The following PHIP variants were observed in gnomAD, a reference collection of about 807,000 sequenced individuals.
PHIP encodes the protein PH-interacting protein.
PHIP carries 54 observed loss-of-function variants against 236.8 expected under a neutral mutation model. The ratio of observed to expected loss-of-function variants is 0.23; its 90% CI spans 0.18 to 0.29. The LOEUF (loss-of-function observed/expected upper bound fraction) is 0.29, where lower values mean the gene tolerates loss of function less well. Among genes scored for constraint, PHIP ranks in the 10% least tolerant of loss-of-function variants. The probability of loss-of-function intolerance (pLI) is 1.00; values close to 1 mark genes in which losing one functional copy is unlikely to be tolerated. For missense variants in PHIP, 1,370 were observed against 2,190.8 expected (o/e 0.63, Z 7.48); for synonymous variants, 756 against 718.9 (o/e 1.05, Z -0.83).
At chr6:78,942,559 A>ATGCAAAGCTTT (rs1773561125) in intron 39 of PHIP, among the ~76,000 whole-genome samples, 1 of 152,176 alleles carries the variant, frequency 6.6e-6, no homozygotes, top group Non-Finnish European at 1.5e-5. Context: ...CAGACAGAAA[A>ATGCAAAGCTTT]TGCAAAGCTT....
chr6:78,941,409 T>C (rs192835351), intron 39 of PHIP, 79 bp from the exon 40 acceptor site: 30 of 920,898 alleles, frequency 3.3e-5, no homozygotes, highest in Non-Finnish European at 4.7e-5. Context: ...TAAGGCCCCA[T>C]TGGTATACTT....
At chr6:79,003,907 GA>G in intron 15 of PHIP, 49 bp from the exon 16 acceptor site, 1 of 1,283,514 alleles carries the variant, frequency 7.8e-7, no homozygotes, top group Non-Finnish European at 1.1e-6. Context: ...AAAATGAAAA[GA>G]ATTGGTCACT....
At chr6:78,968,886 T>C (rs1388025533) in intron 27 of PHIP, among the ~76,000 whole-genome samples, 1 of 152,196 alleles carries the variant, frequency 6.6e-6, no homozygotes, top group Non-Finnish European at 1.5e-5. Flanking sequence ...GTTCCAATTT[T>C]TTCCCCCTGA....
intron 6 of PHIP, among the ~76,000 whole-genome samples, chr6:79,058,783 A>T (rs1435358603): frequency 6.6e-6 from 1 of 152,120 alleles, no homozygotes; most frequent in Non-Finnish European, 1.5e-5. Context: ...CACTTTCATT[A>T]CCTACCACAG....
chr6:78,941,033 T>G lies in PHIP; in HGVS notation c.5126A>C (p.Lys1709Thr), dbSNP rs774747260. 5 of 1,613,888 alleles carry G rather than the reference T, an allele frequency of 3.1e-6. No homozygotes were observed. Among genetic ancestry groups the G allele is most frequent in the Non-Finnish European group, 4.2e-6 (5 of 1,179,804 alleles). ...TTTGGGCTTCCTACCTCCACGATTC[T>G]TTTTCTGTAACAAATCTTCCTTTAC... ...NNVKEDLLQK[K>T]NRGGRKPKRK... The change falls in exon 40 of 40, where the codon AAG becomes ACG. Residue 1709 changes from lysine to threonine, a missense_variant. Around this residue, in one of 14 missense-constraint regions of PHIP, gnomAD observed 309 missense variants for 328.3 expected, o/e 0.94. Transcript: ENST00000275034.
chr6:79,026,811 T>C (rs1771426972), intron 7 of PHIP, among the ~76,000 whole-genome samples: 2 of 151,746 alleles, frequency 1.3e-5, no homozygotes, highest in Non-Finnish European at 1.5e-5. Flanking sequence ...ATAGCCAAAA[T>C]AGAGATAGAA....
chr6:79,052,589 A>T (rs1466617033), intron 6 of PHIP, among the ~76,000 whole-genome samples: 1 of 152,216 alleles, frequency 6.6e-6, no homozygotes, highest in Non-Finnish European at 1.5e-5. Context: ...ATGAGAATGA[A>T]TTGGAAAGGA....
Position 79,066,919 on chromosome 6 carries a change from G to C in PHIP, c.190-6101C>G, listed in dbSNP as rs539003807. On this transcript the variant is annotated intron_variant, in intron 4 of 39. Coordinates refer to ENST00000275034, the MANE Select transcript of PHIP (RefSeq NM_017934.7). ...TTGTTTGTTTTTTAAGGGGGCAGGGGGATCTCGTTCTGTTACCAAGGCTAG... is the reference window on the plus strand; with the variant it reads ...TTGTTTGTTTTTTAAGGGGGCAGGGCGATCTCGTTCTGTTACCAAGGCTAG... Among the ~76,000 whole-genome samples the C allele has an allele frequency of 1.1e-3, 163 of 152,136 alleles. 1 individual carries two copies. Among genetic ancestry groups the C allele is most frequent in the Non-Finnish European group, 2.0e-3 (136 of 68,000 alleles).
At position 78,936,823 on chromosome 6, in the gene PHIP, G is replaced by A. The variant is rs537710091; in HGVS notation, c.*3870C>T. 6.6e-6 allele frequency: 1 copy of A among 151,822 alleles called. No homozygotes were observed. Among genetic ancestry groups the A allele is most frequent in the South Asian group, 2.1e-4 (1 of 4,824 alleles). 9.4% of individuals were successfully genotyped at this position (151,822 alleles called of 1,614,324 possible). ...TGACTTTTCATTTGGAGCAAACTTT[G>A]CTCAGTATAATTAACAAAAATAGTT... On this transcript the variant is annotated 3_prime_UTR_variant, in exon 40 of 40. Coordinates refer to ENST00000275034, the MANE Select transcript of PHIP (RefSeq NM_017934.7).
chr6:78,995,617 G>C (rs1769557390), intron 19 of PHIP, among the ~76,000 whole-genome samples: 1 of 152,150 alleles, frequency 6.6e-6, no homozygotes, highest in African/African-American at 2.4e-5. Context: ...TTCCCTAGTG[G>C]TTAATGACAT....
Position 79,078,249 on chromosome 6 carries a change from G to A in PHIP, c.-181C>T, listed in dbSNP as rs1774300421. 3 of 573,620 alleles carry A rather than the reference G, an allele frequency of 5.2e-6. No homozygotes were observed. The highest frequency in any genetic ancestry group is 9.1e-6 in the Non-Finnish European group (3 of 328,774). The allele number at this position is 573,620 out of a possible 1,614,324, so 35.5% of individuals were successfully genotyped here. A position where few individuals can be genotyped will look rare whatever the true frequency, so the allele number is the denominator to read the frequency against. ...AGGAGGAAACAACAACTCTCAGGCA[G>A]CGACTACGGCCGTGGCCGCCTCCGC... On this transcript the variant is annotated 5_prime_UTR_variant, in exon 1 of 40. Transcript: ENST00000275034.
chr6:79,048,273 C>A (rs116574365), intron 6 of PHIP, among the ~76,000 whole-genome samples: 1 of 151,730 alleles, frequency 6.6e-6, no homozygotes, highest in African/African-American at 2.4e-5. Context: ...GTTGTTGGGC[C>A]CAAATTTTCA....
chr6:79,052,484 A>G (rs1466434611), intron 6 of PHIP, among the ~76,000 whole-genome samples: 1 of 152,224 alleles, frequency 6.6e-6, no homozygotes. Context: ...AATTCCAGTA[A>G]TAACGGGTTG....
chr6:79,056,041 A>G (rs547537077), intron 6 of PHIP, among the ~76,000 whole-genome samples: 32 of 152,266 alleles, frequency 2.1e-4, no homozygotes, highest in Non-Finnish European at 3.1e-4. Flanking sequence ...ACTACCTACT[A>G]CTTTTCATTT....
chr6:78,989,878 G>A (rs541040158), intron 20 of PHIP, among the ~76,000 whole-genome samples: 1 of 151,996 alleles, frequency 6.6e-6, no homozygotes, highest in East Asian at 1.9e-4. Flanking sequence ...AATCAATCAA[G>A]CAAAAAACAA....
intron 31 of PHIP, among the ~76,000 whole-genome samples, chr6:78,961,486 C>T (rs541044417): frequency 5.3e-5 from 8 of 152,060 alleles, no homozygotes; most frequent in Admixed American, 4.6e-4. Context: ...CCAGCAGCAT[C>T]GACATTACTG....
intron 18 of PHIP, among the ~76,000 whole-genome samples, chr6:78,998,011 A>T (rs1769740874): frequency 1.3e-5 from 2 of 152,204 alleles, no homozygotes; most frequent in Admixed American, 1.3e-4. Flanking sequence ...TGACTATTCT[A>T]CATGTTTACT....
intron 26 of PHIP, 53 bp downstream of exon 26, chr6:78,969,996 G>A: frequency 2.5e-6 from 4 of 1,600,304 alleles, no homozygotes; most frequent in Non-Finnish European, 2.6e-6. Flanking sequence ...TCTGAATCTT[G>A]AAAAACAATC....
intron 15 of PHIP, among the ~76,000 whole-genome samples, chr6:79,014,839 G>T (rs1770764411): frequency 6.6e-6 from 1 of 151,608 alleles, no homozygotes. Context: ...AAGTTTCACT[G>T]CTAAAACTGA....
Sources: gnomAD v4.1 joint callset for allele counts (sites outside exome capture counted in the v4.1 genomes callset) on GRCh38, gnomAD v4.1.1 for gene constraint, gnomAD v4.1.1 regional missense constraint, MANE v1.5 for transcripts, NCBI Gene and HGNC (gene_info 2026-07-23, HGNC 2026-07-21) for gene names.